WWC1: variants seen among roughly 807,000 people sequenced by gnomAD.
WWC1 encodes protein KIBRA.
WWC1 carries 55 observed loss-of-function variants against 138.4 expected under a neutral mutation model. The ratio of observed to expected loss-of-function variants is 0.40; its 90% CI spans 0.32 to 0.50. WWC1 has a LOEUF of 0.50. Among genes scored for constraint, WWC1 ranks in the 20% least tolerant of loss-of-function variants. The pLI is 0.72. For synonymous variants in WWC1, 524 were observed against 564.9 expected (o/e 0.93, Z 1.03); for missense variants, 1,226 against 1,420.4 (o/e 0.86, Z 2.20).
chr5:168,447,473 C>T (rs985479396), intron 17 of WWC1, among the ~76,000 whole-genome samples: 19 of 152,292 alleles, frequency 1.2e-4, no homozygotes, highest in African/African-American at 4.3e-4. Flanking sequence ...TCCACTGAAA[C>T]GTCATTTATG....
At chr5:168,414,253 C>A in intron 8 of WWC1, 95 bp from the exon 9 acceptor site, 1 of 1,502,496 alleles carries the variant, frequency 6.7e-7, no homozygotes, top group Non-Finnish European at 8.9e-7. Context: ...CAGTAACTGT[C>A]AAAGATTGCT....
At chr5:168,309,199 T>G (rs1209841195) in intron 1 of WWC1, among the ~76,000 whole-genome samples, 1 of 147,216 alleles carries the variant, frequency 6.8e-6, no homozygotes, top group East Asian at 1.9e-4. Flanking sequence ...CCCTCTTTGC[T>G]CTTCCCTAGG....
intron 15 of WWC1, among the ~76,000 whole-genome samples, chr5:168,435,904 G>A (rs953818873): frequency 7.3e-5 from 11 of 151,594 alleles, no homozygotes; most frequent in Non-Finnish European, 1.2e-4. Context: ...GGGCAATGGC[G>A]TGATCTTGGC....
At chr5:168,462,675 G>C (rs1462269563) in intron 20 of WWC1, among the ~76,000 whole-genome samples, 1 of 152,166 alleles carries the variant, frequency 6.6e-6, no homozygotes, top group Admixed American at 6.5e-5. Flanking sequence ...TTAACCAAGA[G>C]AATGACTTAA....
At chr5:168,459,979 G>T (rs1044616529) in intron 19 of WWC1, among the ~76,000 whole-genome samples, 5 of 152,136 alleles carry the variant, frequency 3.3e-5, no homozygotes, top group African/African-American at 1.2e-4. Flanking sequence ...CTGACTACAG[G>T]CCTGATTTCT....
At chr5:168,306,216 G>GT (rs1257828302) in intron 1 of WWC1, among the ~76,000 whole-genome samples, 1 of 152,102 alleles carries the variant, frequency 6.6e-6, no homozygotes, top group African/African-American at 2.4e-5. Context: ...GGCCAACATG[G>GT]TGAGACCCTG....
Position 168,414,441 on chromosome 5 carries a change from C to A in WWC1, c.1035C>A (p.Asn345Lys). ...AGAGGGACCGGCTGATCCTTATCAA[C>A]GAGAAGGAGGAGCTGCTGAAGGAGA... is the stretch of plus-strand genomic sequence containing the variant. ...DSERDRLILINEKEELLKEMR... is the reference protein window; with the variant it reads ...DSERDRLILIKEKEELLKEMR... The change falls in exon 9 of 23, where the codon AAC becomes AAA. Residue 345 changes from asparagine (N) to lysine (K), a missense_variant. Physicochemically the swap from Asn to Lys is moderately conservative, Grantham distance 94 (BLOSUM62 0). This residue lies in a region of WWC1 where 1,016 missense variants were observed against 1,153.9 expected (regional missense o/e 0.88). Coordinates refer to ENST00000265293, the MANE Select transcript of WWC1 (RefSeq NM_015238.3). The A allele has an allele frequency of 1.3e-6, 2 of 1,586,878 alleles. No homozygotes were observed. The highest frequency in any genetic ancestry group is 1.7e-6 in the Non-Finnish European group (2 of 1,165,752).
chr5:168,468,552 A>C (rs1053620546), intron 22 of WWC1, among the ~76,000 whole-genome samples: 1 of 152,240 alleles, frequency 6.6e-6, no homozygotes, highest in Non-Finnish European at 1.5e-5. Flanking sequence ...ATATTTGTAC[A>C]ACTATCTTTG....
intron 17 of WWC1, among the ~76,000 whole-genome samples, chr5:168,450,938 A>C (rs1363753581): frequency 6.6e-6 from 1 of 152,198 alleles, no homozygotes; most frequent in Non-Finnish European, 1.5e-5. Flanking sequence ...CACATACCAG[A>C]CAAAGGATTC....
At chr5:168,389,911 T>A (rs139964369) in intron 3 of WWC1, among the ~76,000 whole-genome samples, 144 of 152,358 alleles carry the variant, frequency 9.5e-4, no homozygotes, top group African/African-American at 3.1e-3. Context: ...CTCTAGATTT[T>A]GTCATAAGTG....
chr5:168,393,312 A>T (rs1466336014), intron 3 of WWC1, among the ~76,000 whole-genome samples: 1 of 152,162 alleles, frequency 6.6e-6, no homozygotes, highest in Non-Finnish European at 1.5e-5. Flanking sequence ...TCACACCAAG[A>T]TATCTCACTG....
At chr5:168,465,381 A>G (rs2152895803) in intron 21 of WWC1, among the ~76,000 whole-genome samples, 1 of 150,074 alleles carries the variant, frequency 6.7e-6, no homozygotes, top group East Asian at 2.0e-4. Context: ...CCAAAGGGGG[A>G]GAAGGGCTGG....
At chr5:168,414,245 G>A in intron 8 of WWC1, 103 bp from the exon 9 acceptor site, 1 of 1,475,546 alleles carries the variant, frequency 6.8e-7, no homozygotes, top group East Asian at 2.3e-5. Flanking sequence ...AAGGAAGACA[G>A]TAACTGTCAA....
Position 168,408,357 on chromosome 5 carries a change from T to C in WWC1, c.721-150T>C, listed in dbSNP as rs1479297953. On this transcript the variant is annotated intron_variant, in intron 6 of 22. Transcript: ENST00000265293. ...CACACAGCAAGGACCCACTCACTGC[T>C]AGCTCTCTATCACAGGATCAGTAGG... 14 of 911,874 alleles carry C rather than the reference T, an allele frequency of 1.5e-5. No individual in the cohort carries two copies. In the East Asian group the frequency reaches 3.4e-4, roughly 22 times the overall value. The allele number at this position is 911,874 out of a possible 1,614,324, so 56.5% of individuals were successfully genotyped here.
chr5:168,412,055 C>G, intron 8 of WWC1: 1 of 985,484 alleles, frequency 1.0e-6, no homozygotes, highest in East Asian at 1.1e-4. Context: ...TGGACAGCCA[C>G]TTCTTGTTCT....
At chr5:168,389,642 C>CCAA (rs1411237150) in intron 3 of WWC1, among the ~76,000 whole-genome samples, 2 of 146,148 alleles carry the variant, frequency 1.4e-5, no homozygotes, top group Non-Finnish European at 3.0e-5. Flanking sequence ...TTCTTGGCAC[C>CCAA]CAACATGTGA....
At chr5:168,316,055 A>G (rs1356191969) in intron 1 of WWC1, among the ~76,000 whole-genome samples, 1 of 152,206 alleles carries the variant, frequency 6.6e-6, no homozygotes, top group East Asian at 1.9e-4. Context: ...TAGAATGCTC[A>G]GGCCTCCCCC....
At chr5:168,355,816 A>T (rs908148842) in intron 1 of WWC1, among the ~76,000 whole-genome samples, 1 of 152,144 alleles carries the variant, frequency 6.6e-6, no homozygotes, top group Admixed American at 6.5e-5. Context: ...AACAGGAAGG[A>T]GTGTAGGTAG....
At chr5:168,302,191 G>A (rs907517853) in intron 1 of WWC1, among the ~76,000 whole-genome samples, 4 of 152,170 alleles carry the variant, frequency 2.6e-5, no homozygotes, top group African/African-American at 9.7e-5. Context: ...CTTCCCTTTT[G>A]CGCTGTTTGA....
Sources: allele counts gnomAD v4.1 joint callset (sites outside exome capture counted in the v4.1 genomes callset), GRCh38; gene constraint gnomAD v4.1.1; regional missense constraint gnomAD v4.1.1; transcripts MANE v1.5; gene names NCBI Gene and HGNC (gene_info 2026-07-23, HGNC 2026-07-21).